NMNAT2: variants seen among roughly 807,000 people sequenced by gnomAD.
NMNAT2 encodes nicotinamide nucleotide adenylyltransferase 2.
NMNAT2 carries 11 observed loss-of-function variants against 41.6 expected under a neutral mutation model. The observed-to-expected ratio is 0.26, with a 90% CI of 0.17 to 0.44. The LOEUF is 0.44. NMNAT2 is among the 20% of genes least tolerant of loss of function. NMNAT2 has a pLI of 1.00. For synonymous variants in NMNAT2, 148 were observed against 151.2 expected (o/e 0.98, Z 0.16); for missense variants, 288 against 407.7 (o/e 0.71, Z 2.53).
At chr1:183,392,064 A>G (rs1648498373) in intron 1 of NMNAT2, among the ~76,000 whole-genome samples, 1 of 152,094 alleles carries the variant, frequency 6.6e-6, no homozygotes, top group Admixed American at 6.5e-5. Flanking sequence ...ATGCCTCCTG[A>G]CTTTATTTAC....
chr1:183,397,930 C>A (rs1161368446), intron 1 of NMNAT2, among the ~76,000 whole-genome samples: 5 of 152,298 alleles, frequency 3.3e-5, no homozygotes, highest in African/African-American at 1.2e-4. Flanking sequence ...TGGAAAGGAA[C>A]AACTGATACC....
At chr1:183,375,536 A>G (rs949162077) in intron 1 of NMNAT2, among the ~76,000 whole-genome samples, 3 of 152,182 alleles carry the variant, frequency 2.0e-5, no homozygotes, top group Admixed American at 6.5e-5. Flanking sequence ...AGACAACTCA[A>G]GTCTCAACTC....
At chr1:183,377,311 C>T (rs566063143) in intron 1 of NMNAT2, among the ~76,000 whole-genome samples, 1 of 152,136 alleles carries the variant, frequency 6.6e-6, no homozygotes, top group East Asian at 1.9e-4. Flanking sequence ...GGGACCCTCC[C>T]CATACCCACC....
chr1:183,315,705 T>C (rs1218916337), intron 1 of NMNAT2, among the ~76,000 whole-genome samples: 3 of 147,724 alleles, frequency 2.0e-5, no homozygotes, highest in African/African-American at 5.0e-5. Flanking sequence ...TGCTCGAACC[T>C]GGGAGGCCGA....
chr1:183,367,833 T>C (rs550503367), intron 1 of NMNAT2, among the ~76,000 whole-genome samples: 7 of 152,266 alleles, frequency 4.6e-5, no homozygotes, highest in East Asian at 1.9e-4. Flanking sequence ...GAAGTGCCAA[T>C]ATTTTCTTCC....
intron 1 of NMNAT2, among the ~76,000 whole-genome samples, chr1:183,351,808 A>G (rs965861609): frequency 6.6e-6 from 1 of 152,144 alleles, no homozygotes. Flanking sequence ...GGTCCCTATA[A>G]GAATATAGAA....
At chr1:183,272,419 A>G (rs1661007964) in intron 8 of NMNAT2, among the ~76,000 whole-genome samples, 1 of 152,138 alleles carries the variant, frequency 6.6e-6, no homozygotes, top group Admixed American at 6.5e-5. Flanking sequence ...ACTCTGTTCT[A>G]TTACACTTGA....
At chr1:183,373,277 C>T (rs2811561) in intron 1 of NMNAT2, among the ~76,000 whole-genome samples, 2,346 of 152,304 alleles carry the variant, frequency 0.015, 54 homozygotes, top group African/African-American at 0.053. Context: ...CTTTAAAAGT[C>T]GGTATTCTCT....
intron 1 of NMNAT2, among the ~76,000 whole-genome samples, chr1:183,343,413 A>G (rs1179102810): frequency 2.6e-5 from 4 of 152,090 alleles, no homozygotes; most frequent in African/African-American, 9.7e-5. Context: ...TGACCATCCC[A>G]TCTCCAGTTG....
intron 7 of NMNAT2, among the ~76,000 whole-genome samples, chr1:183,282,549 A>C (rs1029528783): frequency 1.3e-5 from 2 of 152,206 alleles, no homozygotes; most frequent in Non-Finnish European, 2.9e-5. Flanking sequence ...CTAAGGAAAG[A>C]GAAATACACT....
intron 1 of NMNAT2, among the ~76,000 whole-genome samples, chr1:183,362,564 T>C (rs1663328368): frequency 6.6e-6 from 1 of 152,212 alleles, no homozygotes; most frequent in Non-Finnish European, 1.5e-5. Context: ...GTTAACAAAA[T>C]GCTTTCAAGG....
chr1:183,272,784 G>A (rs1571564681), intron 8 of NMNAT2, among the ~76,000 whole-genome samples: 2 of 152,184 alleles, frequency 1.3e-5, no homozygotes, highest in Admixed American at 6.5e-5. Context: ...GCCCCTTCAG[G>A]CTTTCTCCCC....
At chr1:183,417,057 A>G (rs989038099) in intron 1 of NMNAT2, among the ~76,000 whole-genome samples, 10 of 152,102 alleles carry the variant, frequency 6.6e-5, no homozygotes, top group African/African-American at 2.4e-4. Context: ...AAGAAAAAGC[A>G]CCCCCAACTT....
chr1:183,254,761 AAT>A (rs1329335905), intron 10 of NMNAT2, among the ~76,000 whole-genome samples: 2 of 152,196 alleles, frequency 1.3e-5, no homozygotes, highest in African/African-American at 4.8e-5. Flanking sequence ...TTAGTTGAGT[AAT>A]ATGTTTTCTT....
chr1:183,369,422 A>G (rs1052380186), intron 1 of NMNAT2, among the ~76,000 whole-genome samples: 1 of 151,816 alleles, frequency 6.6e-6, no homozygotes, highest in Non-Finnish European at 1.5e-5. Flanking sequence ...GACTACAGGC[A>G]TGCACCACCA....
rs552653751 is a variant in NMNAT2, at chr1:183,278,743, G to A, written c.575-114C>T. 5 of 749,436 alleles carry A rather than the reference G, an allele frequency of 6.7e-6. No homozygotes were observed. The East Asian group carries it at 1.1e-4, about 16-fold the overall frequency. 46.4% of individuals were successfully genotyped at this position (749,436 alleles called of 1,614,324 possible). A position where few individuals can be genotyped will look rare whatever the true frequency, so the allele number is the denominator to read the frequency against. On this transcript the variant is annotated intron_variant, in intron 7 of 10. Transcript: ENST00000287713. The stretch of plus-strand genomic sequence containing the variant: ...AACTCTCCCACCTTTGGGGATGTGG[G>A]GCCCAGTTATCCCAGGTGCCTCTGC...
chr1:183,333,138 G>A (rs1003797888), intron 1 of NMNAT2, among the ~76,000 whole-genome samples: 11 of 152,158 alleles, frequency 7.2e-5, no homozygotes, highest in African/African-American at 2.7e-4. Context: ...AAACCCAGGT[G>A]GAAGCCAATG....
intron 1 of NMNAT2, among the ~76,000 whole-genome samples, chr1:183,354,079 G>A (rs1464010242): frequency 6.6e-6 from 1 of 152,278 alleles, no homozygotes; most frequent in African/African-American, 2.4e-5. Flanking sequence ...CTGTGTGTCT[G>A]GACAATCCTT....
At chr1:183,388,052 C>T (rs769861095) in intron 1 of NMNAT2, among the ~76,000 whole-genome samples, 24 of 152,186 alleles carry the variant, frequency 1.6e-4, no homozygotes, top group Non-Finnish European at 3.2e-4. Flanking sequence ...TTCATTTGAT[C>T]TTCACAGGAA....
Sources: gnomAD v4.1 joint callset for allele counts (sites outside exome capture counted in the v4.1 genomes callset) on GRCh38, gnomAD v4.1.1 for gene constraint, MANE v1.5 for transcripts, NCBI Gene and HGNC (gene_info 2026-07-23, HGNC 2026-07-21) for gene names.